Variants in DAG1 observed in about 807,000 individuals in gnomAD.
DAG1 encodes the protein dystroglycan 1 (dystrophin-associated glycoprotein 1).
A neutral mutation model predicts 46.1 loss-of-function variants in DAG1; 8 were observed. The ratio of observed to expected loss-of-function variants is 0.17; its 90% CI spans 0.10 to 0.31. The LOEUF (loss-of-function observed/expected upper bound fraction) is 0.31. Ranked by LOEUF, DAG1 falls within the 10% of genes least tolerant of loss-of-function variation. The pLI, the probability that DAG1 is intolerant of heterozygous loss-of-function variation, is 1.00. For missense variants in DAG1, 1,003 were observed against 1,189.9 expected (o/e 0.84, Z 2.31); for synonymous variants, 495 against 481.8 (o/e 1.03, Z -0.36).
upstream of DAG1, chr3:49,470,156 C>T (rs2049465426): frequency 6.6e-6 from 1 of 151,156 alleles, no homozygotes; most frequent in African/African-American, 2.4e-5. Flanking sequence ...GGCGCGCGGA[C>T]AGCCAGTCGG....
chr3:49,491,763 A>G (rs2050192196), intron 1 of DAG1, among the ~76,000 whole-genome samples: 2 of 151,978 alleles, frequency 1.3e-5, no homozygotes, highest in Admixed American at 1.3e-4. Flanking sequence ...GGCGTGAGCC[A>G]CCGCGCCCGG....
At chr3:49,515,247 G>A (rs2050866352) in intron 2 of DAG1, among the ~76,000 whole-genome samples, 1 of 151,586 alleles carries the variant, frequency 6.6e-6, no homozygotes, top group African/African-American at 2.4e-5. Flanking sequence ...TGGGATTACA[G>A]GAATGAGCCA....
In DAG1 at chr3:49,531,347, C is replaced by T; in HGVS notation, c.836C>T (p.Ala279Val). ...NSVPDIHGVE[A>V]PAREGAMSAQ... ...GTGCCTGACATTCATGGTGTAGAGG[C>T]CCCTGCCAGGGAGGGCGCAATGTCT... Residue 279 changes from alanine to valine, a missense_variant, in exon 3 of 3, where the codon GCC becomes GTC. By Grantham distance (64) the Ala-to-Val change is moderately conservative (BLOSUM62 0). Transcript: ENST00000308775. This position sits in a 1 kb window ranked among gnomAD's most constrained non-coding sequence, Gnocchi z 7.0. The T allele has an allele frequency of 1.9e-6, 3 of 1,614,132 alleles. No individual in the cohort carries two copies. Among genetic ancestry groups the T allele is most frequent in the Middle Eastern group, 1.6e-4 (1 of 6,062 alleles).
chr3:49,528,274 G>GTTTTTTT (rs1559575548), intron 2 of DAG1, among the ~76,000 whole-genome samples: 3 of 60,326 alleles, frequency 5.0e-5, no homozygotes, highest in Non-Finnish European at 1.0e-4. Flanking sequence ...GAAATAGTGT[G>GTTTTTTT]ATTTTTTTTT....
chr3:49,495,543 T>G (rs978190269), intron 1 of DAG1, among the ~76,000 whole-genome samples: 4 of 152,128 alleles, frequency 2.6e-5, no homozygotes, highest in African/African-American at 4.8e-5. Flanking sequence ...TCATTCCCAC[T>G]TGGATTCTGC....
intron 2 of DAG1, among the ~76,000 whole-genome samples, chr3:49,515,947 C>G (rs936103879): frequency 1.3e-5 from 2 of 152,174 alleles, no homozygotes; most frequent in African/African-American, 2.4e-5. Flanking sequence ...AATCGAACCC[C>G]ATATGATCTG....
intron 1 of DAG1, among the ~76,000 whole-genome samples, chr3:49,476,080 A>G (rs2049676222): frequency 6.6e-6 from 1 of 152,136 alleles, no homozygotes; most frequent in Non-Finnish European, 1.5e-5. Flanking sequence ...ATGCATTAGT[A>G]GAAGATCATA....
Position 49,531,238 on chromosome 3 carries a change from G to A in DAG1, c.727G>A (p.Ala243Thr), listed in dbSNP as rs2051334627. ...ACTATTTGACATGTCGGCCTTCATG[G>A]CTGGCCCGGGAAATGCAAAAAAGGT... is the stretch of plus-strand genomic sequence containing the variant. ...NRLFDMSAFM[A>T]GPGNAKKVVE... Residue 243 changes from alanine (A) to threonine (T), a missense_variant, in exon 3 of 3, where the codon GCT becomes ACT. Physicochemically the swap from Ala to Thr is moderately conservative, Grantham distance 58. Transcript: ENST00000308775. The surrounding 1 kb of genome is among the most constrained non-coding windows in gnomAD (Gnocchi z 7.0). 4 of 1,614,122 alleles carry A rather than the reference G, an allele frequency of 2.5e-6. No individual in the cohort carries two copies. Among genetic ancestry groups the A allele is most frequent in the South Asian group, 2.2e-5 (2 of 91,064 alleles).
intron 1 of DAG1, among the ~76,000 whole-genome samples, chr3:49,477,071 C>T (rs1054158174): frequency 6.6e-6 from 1 of 152,110 alleles, no homozygotes; most frequent in African/African-American, 2.4e-5. Flanking sequence ...GATCTTGGCT[C>T]ACTGCAACCT....
intron 2 of DAG1, among the ~76,000 whole-genome samples, chr3:49,522,937 C>A (rs1575401115): frequency 6.6e-6 from 1 of 152,176 alleles, no homozygotes; most frequent in Non-Finnish European, 1.5e-5. Context: ...GGTCAGCAGG[C>A]CTTGCCTCTC....
At chr3:49,487,252 A>G (rs552765791) in intron 1 of DAG1, 1 of 152,384 alleles carries the variant, frequency 6.6e-6, no homozygotes, top group East Asian at 1.9e-4. Context: ...CTCTTTGCCT[A>G]GGCACACGAC....
intron 2 of DAG1, among the ~76,000 whole-genome samples, chr3:49,518,926 A>G (rs532736255): frequency 6.6e-6 from 1 of 152,274 alleles, no homozygotes; most frequent in African/African-American, 2.4e-5. Flanking sequence ...CTTGAATCAG[A>G]CTGGATGCCT....
chr3:49,492,017 C>T (rs1052175909), intron 1 of DAG1, among the ~76,000 whole-genome samples: 3 of 149,874 alleles, frequency 2.0e-5, no homozygotes, highest in Non-Finnish European at 4.5e-5. Flanking sequence ...ACCTCTGCCT[C>T]CCGGGTTCAA....
chr3:49,517,888 T>A (rs1035148115), intron 2 of DAG1, among the ~76,000 whole-genome samples: 21 of 152,210 alleles, frequency 1.4e-4, no homozygotes, highest in Admixed American at 1.4e-3. Context: ...AGTGGTGGGT[T>A]GCAGAGCTCC....
intron 1 of DAG1, among the ~76,000 whole-genome samples, chr3:49,491,707 A>G (rs1006227761): frequency 1.3e-5 from 2 of 150,740 alleles, no homozygotes; most frequent in Non-Finnish European, 3.0e-5. Flanking sequence ...CGATCTCCTG[A>G]CCTCGTGATC....
chr3:49,533,070 G>A lies in DAG1; in HGVS notation c.2559G>A (p.Leu853=), dbSNP rs760094247. 4.3e-6 allele frequency: 7 copies of A among 1,613,992 alleles called. No individual in the cohort carries two copies. The African/African-American group carries it at 9.3e-5, about 22-fold the overall frequency. Residue 853 remains leucine, a synonymous_variant, in exon 3 of 3, where the codon CTG becomes CTA. Transcript: ENST00000308775. ...NQDTMGEYTP[L]RDEDPNAPPY... ...ACACCATGGGAGAGTACACGCCCCTGCGGGATGAGGATCCCAATGCGCCTC... is the reference window on the plus strand; with the variant it reads ...ACACCATGGGAGAGTACACGCCCCTACGGGATGAGGATCCCAATGCGCCTC...
chr3:49,485,021 C>T (rs889678495), intron 1 of DAG1, among the ~76,000 whole-genome samples: 2 of 152,068 alleles, frequency 1.3e-5, no homozygotes, highest in African/African-American at 2.4e-5. Context: ...GAGTCTCGCT[C>T]TGTCGCCCAG....
chr3:49,510,638 C>G lies in DAG1; in HGVS notation c.104C>G (p.Pro35Arg), dbSNP rs756390087. 1.9e-6 allele frequency: 3 copies of G among 1,614,038 alleles called. No homozygotes were observed. In the African/African-American group the frequency reaches 4.0e-5, roughly 22 times the overall value. Reference sequence around the variant, plus strand: ...GCTCAGTCCCACTGGCCCAGTGAACCCTCAGAGGCTGTCAGGGACTGGGAA... The same window carrying G: ...GCTCAGTCCCACTGGCCCAGTGAACGCTCAGAGGCTGTCAGGGACTGGGAA... ...VMAQSHWPSE[P>R]SEAVRDWENQ... The change falls in exon 2 of 3, where the codon CCC (proline) becomes CGC (arginine). Residue 35 changes from proline to arginine, a missense_variant. Physicochemically the swap from Pro to Arg is moderately radical, Grantham distance 103. Coordinates refer to ENST00000308775, the MANE Select transcript of DAG1 (RefSeq NM_004393.6).
intron 1 of DAG1, among the ~76,000 whole-genome samples, chr3:49,486,354 G>A (rs1179929277): frequency 6.6e-6 from 1 of 151,844 alleles, no homozygotes; most frequent in Non-Finnish European, 1.5e-5. Context: ...TGGTAGCTGG[G>A]ACTATAGGCG....
Sources: allele counts gnomAD v4.1 joint callset (sites outside exome capture counted in the v4.1 genomes callset), GRCh38; gene constraint gnomAD v4.1.1; non-coding constraint Gnocchi (gnomAD v3.1); transcripts MANE v1.5; gene names NCBI Gene and HGNC (gene_info 2026-07-23, HGNC 2026-07-21).